Variants in KDM2B observed in about 807,000 individuals in gnomAD.
KDM2B encodes the protein lysine-specific demethylase 2B.
In KDM2B, 26 loss-of-function variants were observed where a neutral mutation model predicts 150.0. The ratio of observed to expected loss-of-function variants is 0.17; its 90% CI spans 0.13 to 0.24. The LOEUF (loss-of-function observed/expected upper bound fraction) is 0.24, where lower values mean the gene tolerates loss of function less well. Ranked by LOEUF, KDM2B falls within the 10% of genes least tolerant of loss-of-function variation. The pLI is 1.00. For missense variants in KDM2B, 1,265 were observed against 1,816.9 expected, an observed-to-expected ratio of 0.70 and a Z score of 5.52; for synonymous variants, 734 against 729.5, an observed-to-expected ratio of 1.01 and a Z score of -0.10.
chr12:121,433,517 G>A (rs374900408), intron 22 of KDM2B, among the ~76,000 whole-genome samples: 4 of 152,306 alleles, frequency 2.6e-5, no homozygotes, highest in African/African-American at 9.6e-5. Flanking sequence ...ACCATGCCTA[G>A]CTTCAGGAAT....
At chr12:121,495,542 C>T (rs1883840603) in intron 11 of KDM2B, among the ~76,000 whole-genome samples, 2 of 152,322 alleles carry the variant, frequency 1.3e-5, no homozygotes, top group South Asian at 4.1e-4. Flanking sequence ...TCGAGGAATC[C>T]TCCCTCCTTA....
chr12:121,423,729 G>T, the KDM2B span: 1 of 696,266 alleles, frequency 1.4e-6, no homozygotes, highest in East Asian at 2.9e-5. This position sits in a 1 kb window ranked among gnomAD's most constrained non-coding sequence, Gnocchi z 4.3. Flanking sequence ...ATCCTGAGTT[G>T]TGGAAACATT....
Position 121,442,936 on chromosome 12 carries a change from G to T in KDM2B, c.2604+56C>A. 6.2e-7 allele frequency: 1 copy of T among 1,602,890 alleles called. No homozygotes were observed. Among genetic ancestry groups the T allele is most frequent in the South Asian group, 1.1e-5 (1 of 89,842 alleles). ...CCACGGGACTGTGGCCCAGGGAGCTGCGGTGCAGCTCTAACCGCTCAGGCC... is the reference window on the plus strand; with the variant it reads ...CCACGGGACTGTGGCCCAGGGAGCTTCGGTGCAGCTCTAACCGCTCAGGCC... On this transcript the variant is annotated intron_variant, in intron 18 of 22. Coordinates refer to ENST00000377071, the MANE Select transcript of KDM2B (RefSeq NM_032590.5). This position sits in a 1 kb window ranked among gnomAD's most constrained non-coding sequence, Gnocchi z 7.7.
chr12:121,516,897 A>G (rs1555305110), intron 9 of KDM2B: 6 of 670,552 alleles, frequency 8.9e-6, no homozygotes, highest in African/African-American at 3.6e-5. Context: ...AATGGAAAAA[A>G]AAAAAAGTCC....
chr12:121,566,202 A>C (rs935148777), intron 4 of KDM2B, among the ~76,000 whole-genome samples: 4 of 152,116 alleles, frequency 2.6e-5, no homozygotes. Flanking sequence ...AAAATTAAGA[A>C]CTTCTAGGCC....
Position 121,444,283 on chromosome 12 carries a change from A to G in KDM2B, c.2191-11T>C, listed in dbSNP as rs1176994534. On this transcript the variant is annotated splice_polypyrimidine_tract_variant and intron_variant, in intron 15 of 22. Transcript: ENST00000377071. ...AGGGCCACGCTTTTGCTTGTAGGCC[A>G]AAAAGAGAGAATGAACAGACCAACT... 1 of 1,613,298 alleles carries G rather than the reference A, an allele frequency of 6.2e-7. No homozygotes were observed. The highest frequency in any genetic ancestry group is 8.5e-7 in the Non-Finnish European group (1 of 1,179,638).
intron 4 of KDM2B, among the ~76,000 whole-genome samples, chr12:121,558,545 T>C (rs992800922): frequency 2.7e-5 from 4 of 150,868 alleles, no homozygotes; most frequent in African/African-American, 9.8e-5. Context: ...CCTCCGCCTC[T>C]TGGGTTCAAG....
chr12:121,567,870 A>C (rs1454430305), intron 4 of KDM2B, among the ~76,000 whole-genome samples: 1 of 151,870 alleles, frequency 6.6e-6, no homozygotes, highest in Non-Finnish European at 1.5e-5. Flanking sequence ...CTGGGATTAC[A>C]GCTGTGCACC....
chr12:121,574,658 G>T, intron 3 of KDM2B, 65 bp from the exon 4 acceptor site: 1 of 1,478,614 alleles, frequency 6.8e-7, no homozygotes, highest in Non-Finnish European at 9.4e-7. Flanking sequence ...ACTACCCTGG[G>T]CCCGGGGGGA....
chr12:121,528,432 G>T (rs1270930536), intron 8 of KDM2B, among the ~76,000 whole-genome samples: 1 of 152,080 alleles, frequency 6.6e-6, no homozygotes, highest in Admixed American at 6.6e-5. Context: ...GGTAGCGTAC[G>T]CTTGTAATCC....
Position 121,533,175 on chromosome 12 carries a change from A to G in KDM2B, c.778-216T>C, listed in dbSNP as rs1454681155. On this transcript the variant is annotated intron_variant, in intron 7 of 22. Transcript: ENST00000377071. This position sits in a 1 kb window ranked among gnomAD's most constrained non-coding sequence, Gnocchi z 4.1. ...GGAAGGGCTGTGCCCACCTTCAGGGAACCTCCATTCCTGCTGAAATCCCAG... is the reference window on the plus strand; with the variant it reads ...GGAAGGGCTGTGCCCACCTTCAGGGGACCTCCATTCCTGCTGAAATCCCAG... 6.6e-6 allele frequency among the ~76,000 whole-genome samples: 1 copy of G among 152,204 alleles called. No individual in the cohort carries two copies. Among genetic ancestry groups the G allele is most frequent in the Non-Finnish European group, 1.5e-5 (1 of 68,024 alleles).
intron 12 of KDM2B, among the ~76,000 whole-genome samples, chr12:121,483,635 C>T (rs1555298286): frequency 1.3e-5 from 2 of 151,968 alleles, no homozygotes; most frequent in African/African-American, 4.8e-5. Context: ...CGAGATTGCA[C>T]CACCGCACTC....
chr12:121,535,979 T>TGGCACCTC, intron 6 of KDM2B: 1 of 894,472 alleles, frequency 1.1e-6, no homozygotes, highest in Non-Finnish European at 1.3e-6. Flanking sequence ...CCATGCACCT[T>TGGCACCTC]GGCACCTCCG....
At chr12:121,413,415 CTT>C in the KDM2B span, among the ~76,000 whole-genome samples, 1 of 130,672 alleles carries the variant, frequency 7.7e-6, no homozygotes, top group Admixed American at 7.4e-5. Context: ...TTTACCTGTC[CTT>C]TTTTTTTTTT....
At chr12:121,562,344 C>T (rs1233390431) in intron 4 of KDM2B, among the ~76,000 whole-genome samples, 2 of 151,654 alleles carry the variant, frequency 1.3e-5, no homozygotes, top group Non-Finnish European at 2.9e-5. Flanking sequence ...ATTAGCCGGG[C>T]GTGGTGGTAT....
the KDM2B span, chr12:121,409,477 C>T: frequency 0.22 from 34,066 of 152,184 alleles, 6,505 homozygotes; most frequent in African/African-American, 0.52. Context: ...AGGGTGATGT[C>T]CCAGCTGAAA....
chr12:121,527,216 A>ATT (rs1359741200), intron 8 of KDM2B, among the ~76,000 whole-genome samples: 34 of 138,400 alleles, frequency 2.5e-4, no homozygotes, highest in African/African-American at 8.2e-4. Flanking sequence ...CGCCCAGATA[A>ATT]TTTTTTTTTT....
At chr12:121,427,144 G>A (rs560523697), downstream of KDM2B, among the ~76,000 whole-genome samples, 1 of 152,228 alleles carries the variant, frequency 6.6e-6, no homozygotes, top group South Asian at 2.1e-4. Flanking sequence ...CATTCCCTTG[G>A]GTTTATGGTC....
intron 12 of KDM2B, among the ~76,000 whole-genome samples, chr12:121,463,440 T>A (rs1193232782): frequency 6.6e-6 from 1 of 152,250 alleles, no homozygotes; most frequent in Non-Finnish European, 1.5e-5. Context: ...CTGCACGTTC[T>A]GCACATGTAT....
Sources: allele counts gnomAD v4.1 joint callset (sites outside exome capture counted in the v4.1 genomes callset), GRCh38; gene constraint gnomAD v4.1.1; non-coding constraint Gnocchi (gnomAD v3.1); transcripts MANE v1.5; gene names NCBI Gene and HGNC (gene_info 2026-07-23, HGNC 2026-07-21).